Variants in GARS1 observed in about 807,000 individuals in gnomAD.
GARS1 encodes glycyl-tRNA synthetase 1, also known as glycine--tRNA ligase.
GARS1 carries 46 observed loss-of-function variants against 86.4 expected under a neutral mutation model. That is an observed-to-expected ratio of 0.53 (90% confidence interval 0.42 to 0.68). GARS1 has a LOEUF of 0.68. Among genes scored for constraint, GARS1 ranks in the 30% least tolerant of loss-of-function variants. The pLI, the probability that GARS1 is intolerant of heterozygous loss-of-function variation, is 0.00. For missense variants in GARS1, 797 were observed against 915.6 expected, an observed-to-expected ratio of 0.87 and a Z score of 1.67; for synonymous variants, 342 against 329.8, an observed-to-expected ratio of 1.04 and a Z score of -0.40.
intron 1 of GARS1, among the ~76,000 whole-genome samples, 169 bp downstream of exon 1, chr7:30,595,312 C>T (rs1791223863): frequency 6.6e-6 from 1 of 152,208 alleles, no homozygotes; most frequent in Admixed American, 6.5e-5. Context: ...CCAAGTCCCC[C>T]GTGCGTCAGC....
intron 3 of GARS1, among the ~76,000 whole-genome samples, chr7:30,600,492 T>G (rs1791351088): frequency 6.6e-6 from 1 of 152,220 alleles, no homozygotes; most frequent in African/African-American, 2.4e-5. Flanking sequence ...GATAAATCAC[T>G]GTGAATGCCA....
At chr7:30,597,341 G>A (rs1791273322) in intron 1 of GARS1, among the ~76,000 whole-genome samples, 1 of 152,176 alleles carries the variant, frequency 6.6e-6, no homozygotes, top group African/African-American at 2.4e-5. Context: ...CATTGCTATA[G>A]TTTCTGAGTT....
chr7:30,628,332 C>G (rs577949615), intron 13 of GARS1, among the ~76,000 whole-genome samples: 2 of 152,120 alleles, frequency 1.3e-5, no homozygotes, highest in South Asian at 4.1e-4. Flanking sequence ...TTACACGCAC[C>G]TGCCACCATA....
chr7:30,607,623 C>T (rs1458097383), intron 6 of GARS1, among the ~76,000 whole-genome samples: 2 of 152,068 alleles, frequency 1.3e-5, no homozygotes, highest in East Asian at 3.9e-4. Context: ...GTGCAGCAAA[C>T]CAACATGGCA....
In GARS1 at chr7:30,612,352, T is replaced by C. The variant is rs142297871; in HGVS notation, c.1031+107T>C. 177 of 1,050,184 alleles carry C rather than the reference T, an allele frequency of 1.7e-4. 1 individual carries two copies. In the African/African-American group the frequency reaches 2.5e-3, roughly 15 times the overall value. The allele number at this position is 1,050,184 out of a possible 1,614,324, so 65.1% of individuals were successfully genotyped here. The stretch of plus-strand genomic sequence containing the variant: ...TCTGCTTCATAATCCTGATTATGAA[T>C]TTATTTTTGTTTTCTCCAAAAATCA... On this transcript the variant is annotated intron_variant, in intron 8 of 16. Transcript: ENST00000389266.
intron 13 of GARS1, among the ~76,000 whole-genome samples, chr7:30,626,583 TC>T (rs1783132769): frequency 6.6e-6 from 1 of 152,188 alleles, no homozygotes; most frequent in African/African-American, 2.4e-5. Context: ...ACTCCTAGGC[TC>T]AAGCAGTCCA....
At chr7:30,622,650 CTTTT>C in intron 12 of GARS1, 188 bp downstream of exon 12, 1 of 494,934 alleles carries the variant, frequency 2.0e-6, no homozygotes, top group South Asian at 2.8e-5. Context: ...ATAGAATATA[CTTTT>C]TTTTTTTCCT....
intron 6 of GARS1, among the ~76,000 whole-genome samples, chr7:30,606,935 C>A (rs181879866): frequency 2.0e-5 from 3 of 152,286 alleles, no homozygotes; most frequent in Non-Finnish European, 4.4e-5. Context: ...CTCTCCTTTA[C>A]CCTTACCAAA....
At chr7:30,612,051 CAT>C (rs771402295) in intron 7 of GARS1, 43 bp from the exon 8 acceptor site, 43 of 1,547,640 alleles carry the variant, frequency 2.8e-5, no homozygotes, top group Non-Finnish European at 3.8e-5. Flanking sequence ...TGTTGGAAAA[CAT>C]AATTTCTTTC....
At chr7:30,621,594 T>C (rs1166372866) in intron 11 of GARS1, 94 bp downstream of exon 11, 4 of 928,218 alleles carry the variant, frequency 4.3e-6, no homozygotes, top group Non-Finnish European at 7.2e-6. Flanking sequence ...TATGGATAAA[T>C]GGAGATGTTT....
intron 7 of GARS1, among the ~76,000 whole-genome samples, chr7:30,610,482 A>T (rs1791576679): frequency 6.6e-6 from 1 of 152,212 alleles, no homozygotes. Context: ...CATGAGCTAG[A>T]TAGATCGTGT....
At position 30,631,489 on chromosome 7, in the gene GARS1, C is replaced by G; in HGVS notation, c.1851C>G (p.Ser617=). The stretch of plus-strand genomic sequence containing the variant: ...CTGTAGTTGCTCCATTCAAATGTTC[C>G]GTCCTCCCACTGAGCCAAAACCAGG... ...FPAVVAPFKC[S]VLPLSQNQEF... Residue 617 remains serine (S), a synonymous_variant, in exon 15 of 17, where the codon TCC becomes TCG. Transcript: ENST00000389266. 1 of 1,613,642 alleles carries G rather than the reference C, an allele frequency of 6.2e-7. No individual in the cohort carries two copies. Among genetic ancestry groups the G allele is most frequent in the Non-Finnish European group, 8.5e-7 (1 of 1,179,730 alleles).
intron 1 of GARS1, among the ~76,000 whole-genome samples, chr7:30,597,573 C>T (rs1211034583): frequency 6.6e-6 from 1 of 152,066 alleles, no homozygotes; most frequent in African/African-American, 2.4e-5. Context: ...ATAGTAAGTG[C>T]CAAACTCAAA....
chr7:30,624,320 G>A (rs1783081888), intron 12 of GARS1, among the ~76,000 whole-genome samples: 1 of 152,146 alleles, frequency 6.6e-6, no homozygotes, highest in African/African-American at 2.4e-5. Context: ...AAGTTTAGAT[G>A]TACCCAGAGG....
rs1782769260 is a variant in GARS1, at chr7:30,612,109, G to C, written c.895G>C (p.Glu299Gln). 6.2e-7 allele frequency: 1 copy of C among 1,613,936 alleles called. No individual in the cohort carries two copies. Among genetic ancestry groups the C allele is most frequent in the African/African-American group, 1.3e-5 (1 of 74,936 alleles). Reference protein sequence around the residue: ...GGNMPGYLRPETAQGIFLNFK... With the variant: ...GGNMPGYLRPQTAQGIFLNFK... ...TTAAATTTATAGGTACTTGAGACCA[G>C]AAACTGCACAGGGGATTTTCTTGAA... is the stretch of plus-strand genomic sequence containing the variant. The change falls in exon 8 of 17, where the codon GAA becomes CAA. Residue 299 changes from glutamate (E) to glutamine (Q), a missense_variant. Transcript: ENST00000389266.
chr7:30,622,732 A>G (rs569187352), intron 12 of GARS1: 11 of 434,996 alleles, frequency 2.5e-5, no homozygotes, highest in African/African-American at 1.6e-4. Context: ...AACTACATCT[A>G]CTATCTCTCA....
intron 10 of GARS1, among the ~76,000 whole-genome samples, chr7:30,618,239 C>T (rs1782929596): frequency 6.6e-6 from 1 of 152,080 alleles, no homozygotes; most frequent in African/African-American, 2.4e-5. Context: ...ATTGAGCAAA[C>T]ATTTTCTATA....
chr7:30,626,468 G>A (rs1212061106), intron 13 of GARS1, 149 bp downstream of exon 13: 4 of 648,968 alleles, frequency 6.2e-6, no homozygotes, highest in African/African-American at 5.5e-5. Context: ...TCCTGTCTCA[G>A]CCTCCGAATT....
intron 16 of GARS1, among the ~76,000 whole-genome samples, chr7:30,633,290 G>A (rs768439127): frequency 6.6e-6 from 1 of 152,132 alleles, no homozygotes; most frequent in African/African-American, 2.4e-5. Flanking sequence ...AGAGGCAGAG[G>A]GGGCAGGCAG....
Sources: gnomAD v4.1 joint callset for allele counts (sites outside exome capture counted in the v4.1 genomes callset) on GRCh38, gnomAD v4.1.1 for gene constraint, MANE v1.5 for transcripts, NCBI Gene and HGNC (gene_info 2026-07-23, HGNC 2026-07-21) for gene names.